HYAL4: variants seen among roughly 807,000 people sequenced by gnomAD.
The protein encoded by HYAL4 is hyaluronidase-4.
Under a neutral mutation model 35.2 loss-of-function variants are expected in HYAL4, and 37 were observed. That is an observed-to-expected ratio of 1.05 (90% CI 0.81 to 1.38). HYAL4 has a LOEUF of 1.38. Among genes scored for constraint, HYAL4 ranks in the 40% most tolerant of loss-of-function variants. HYAL4 has a pLI of 0.00. For missense variants in HYAL4, 572 were observed against 572.4 expected, an observed-to-expected ratio of 1.00 and a Z score of 0.01; for synonymous variants, 198 against 203.2, an observed-to-expected ratio of 0.97 and a Z score of 0.22.
the HYAL4 span, among the ~76,000 whole-genome samples, chr7:123,771,710 G>A: frequency 2.0e-5 from 3 of 152,046 alleles, no homozygotes; most frequent in Admixed American, 6.5e-5. Flanking sequence ...AGGGTGCCTA[G>A]GTTAAACATT....
At chr7:123,813,436 G>T in the HYAL4 span, among the ~76,000 whole-genome samples, 1 of 152,228 alleles carries the variant, frequency 6.6e-6, no homozygotes, top group African/African-American at 2.4e-5. Flanking sequence ...ATACAATCCA[G>T]TTTCTTTATA....
At chr7:123,778,084 T>C in the HYAL4 span, among the ~76,000 whole-genome samples, 1 of 152,130 alleles carries the variant, frequency 6.6e-6, no homozygotes, top group East Asian at 1.9e-4. Flanking sequence ...CCTATATACC[T>C]TTCAAGCAGA....
chr7:123,800,869 C>T, the HYAL4 span, among the ~76,000 whole-genome samples: 1 of 152,036 alleles, frequency 6.6e-6, no homozygotes, highest in South Asian at 2.1e-4. Flanking sequence ...CCATGTTGCC[C>T]AGGCTGGTCT....
chr7:123,832,718 G>C (rs961062934), intron 1 of HYAL4, among the ~76,000 whole-genome samples: 6 of 151,558 alleles, frequency 4.0e-5, no homozygotes, highest in African/African-American at 1.5e-4. Flanking sequence ...AGCCAGGATG[G>C]TCTCGATCTC....
chr7:123,854,446 A>T (rs1415201053), intron 2 of HYAL4, among the ~76,000 whole-genome samples: 1 of 152,166 alleles, frequency 6.6e-6, no homozygotes, highest in East Asian at 1.9e-4. Context: ...GTTTCAAAGA[A>T]CTTATTTATT....
At chr7:123,814,375 T>C in the HYAL4 span, 1 of 152,656 alleles carries the variant, frequency 6.6e-6, no homozygotes, top group East Asian at 1.9e-4. Context: ...CCATATTTTA[T>C]CCAAATGAAT....
In HYAL4 at chr7:123,868,411, A is replaced by G; in HGVS notation, c.138A>G (p.Lys46=). 1 of 1,612,878 alleles carries G rather than the reference A, an allele frequency of 6.2e-7. No homozygotes were observed. The highest frequency in any genetic ancestry group is 8.5e-7 in the Non-Finnish European group (1 of 1,179,422). The part of the protein sequence containing the change: ...KPARLPIYQR[K]PFIAAWNAPT... ...CTCGACTTCCAATTTATCAAAGGAA[A>G]CCTTTTATAGCTGCTTGGAATGCTC... Residue 46 remains lysine, a synonymous_variant, in exon 3 of 5, where the codon AAA becomes AAG. Transcript: ENST00000223026.
the HYAL4 span, among the ~76,000 whole-genome samples, chr7:123,813,286 G>A: frequency 1.3e-5 from 2 of 152,070 alleles, no homozygotes; most frequent in Non-Finnish European, 2.9e-5. Flanking sequence ...TTGCTTTCAG[G>A]ATGAGATCTT....
At chr7:123,842,254 AC>A (rs1247926091), upstream of HYAL4, among the ~76,000 whole-genome samples, 1 of 151,860 alleles carries the variant, frequency 6.6e-6, no homozygotes, top group East Asian at 1.9e-4. Flanking sequence ...TTTGTTATTC[AC>A]CCAGTAGTCA....
chr7:123,826,921 C>T (rs181050754), upstream of HYAL4, among the ~76,000 whole-genome samples: 696 of 152,190 alleles, frequency 4.6e-3, 3 homozygotes, highest in Middle Eastern at 0.014. Context: ...GATTTTGCTC[C>T]TGAGGCACTG....
At chr7:123,839,230 T>C (rs1806015392) in intron 1 of HYAL4, among the ~76,000 whole-genome samples, 1 of 150,684 alleles carries the variant, frequency 6.6e-6, no homozygotes, top group Non-Finnish European at 1.5e-5. Context: ...AGTGAGAACA[T>C]GTGGTGTTTG....
chr7:123,827,416 T>G (rs1218280512), upstream of HYAL4, among the ~76,000 whole-genome samples: 1 of 152,140 alleles, frequency 6.6e-6, no homozygotes. Flanking sequence ...CCGACCTTTG[T>G]CTTTCTTGGT....
the HYAL4 span, among the ~76,000 whole-genome samples, chr7:123,813,792 A>G: frequency 6.6e-6 from 1 of 152,190 alleles, no homozygotes; most frequent in Non-Finnish European, 1.5e-5. Context: ...ATGACAATCC[A>G]TTCAGACTTC....
chr7:123,768,972 C>T, the HYAL4 span, among the ~76,000 whole-genome samples: 2 of 152,154 alleles, frequency 1.3e-5, no homozygotes, highest in Non-Finnish European at 2.9e-5. Context: ...ATGAGCATTT[C>T]TAAGTAAAGG....
At chr7:123,798,161 T>C in the HYAL4 span, among the ~76,000 whole-genome samples, 1 of 152,198 alleles carries the variant, frequency 6.6e-6, no homozygotes, top group African/African-American at 2.4e-5. Context: ...AATTTTGTAA[T>C]TGGACACCTG....
At chr7:123,772,704 T>C in the HYAL4 span, among the ~76,000 whole-genome samples, 1 of 152,126 alleles carries the variant, frequency 6.6e-6, no homozygotes, top group Non-Finnish European at 1.5e-5. Context: ...GAACAGTAAA[T>C]GAAACCTGTG....
the HYAL4 span, among the ~76,000 whole-genome samples, chr7:123,783,374 T>C: frequency 6.6e-6 from 1 of 152,206 alleles, no homozygotes; most frequent in Admixed American, 6.5e-5. Flanking sequence ...TTATCAACAG[T>C]CTATGAAGGT....
intron 2 of HYAL4, among the ~76,000 whole-genome samples, chr7:123,857,911 T>G (rs927886235): frequency 1.3e-5 from 2 of 152,028 alleles, no homozygotes; most frequent in Admixed American, 1.3e-4. Context: ...GGAATGTCTA[T>G]GTAGATCAAG....
the HYAL4 span, among the ~76,000 whole-genome samples, chr7:123,808,895 G>A: frequency 2.6e-5 from 4 of 152,086 alleles, no homozygotes; most frequent in African/African-American, 9.7e-5. Context: ...TTGTAATAAA[G>A]GCACTAATCA....
Sources: allele counts gnomAD v4.1 joint callset (sites outside exome capture counted in the v4.1 genomes callset), GRCh38; gene constraint gnomAD v4.1.1; transcripts MANE v1.5; gene names NCBI Gene and HGNC (gene_info 2026-07-23, HGNC 2026-07-21).